The following RRP15 variants were observed in gnomAD, a reference collection of about 807,000 sequenced individuals.
RRP15 encodes the protein RRP15-like protein.
A neutral mutation model predicts 27.1 loss-of-function variants in RRP15; 18 were observed. That is an observed-to-expected ratio of 0.66 (90% CI 0.46 to 0.98). The LOEUF (loss-of-function observed/expected upper bound fraction) is 0.98, where lower values mean the gene tolerates loss of function less well. RRP15 is among the 50% of genes least tolerant of loss of function. RRP15 has a pLI of 0.00. For synonymous variants in RRP15, 107 were observed against 109.4 expected, an observed-to-expected ratio of 0.98 and a Z score of 0.14; for missense variants, 359 against 337.8, an observed-to-expected ratio of 1.06 and a Z score of -0.49.
intron 4 of RRP15, among the ~76,000 whole-genome samples, chr1:218,315,803 G>A (rs891234620): frequency 2.0e-5 from 3 of 152,066 alleles, no homozygotes; most frequent in African/African-American, 7.2e-5. Flanking sequence ...CAGGCAAGGA[G>A]GTAGAGAAAG....
In RRP15 at chr1:218,336,098, G is replaced by GT. The variant is rs1399195148; in HGVS notation, c.*5012dup. On this transcript the variant is annotated 3_prime_UTR_variant, in exon 5 of 5. Coordinates refer to ENST00000366932, the MANE Select transcript of RRP15 (RefSeq NM_016052.4). The stretch of plus-strand genomic sequence containing the variant: ...CACCATGTAAGGAGTGAATTCCCAT[G>GT]TTTTTCACTTATATCTAGAGGCCTA... 2 of 152,068 alleles carry GT rather than the reference G, an allele frequency of 1.3e-5. No individual in the cohort carries two copies. Among genetic ancestry groups the GT allele is most frequent in the Admixed American group, 6.6e-5 (1 of 15,264 alleles). The allele number at this position is 152,068 out of a possible 1,614,324, so 9.4% of individuals were successfully genotyped here.
intron 1 of RRP15, among the ~76,000 whole-genome samples, chr1:218,300,600 A>G (rs1474376147): frequency 6.6e-6 from 1 of 152,230 alleles, no homozygotes; most frequent in African/African-American, 2.4e-5. Context: ...ACTGTCTTCC[A>G]TTTACTTTGG....
chr1:218,310,605 C>G (rs980646490), intron 4 of RRP15, among the ~76,000 whole-genome samples: 1 of 150,952 alleles, frequency 6.6e-6, no homozygotes. Flanking sequence ...CTAATGTACA[C>G]ATGACTTGGG....
At chr1:218,312,118 G>A (rs146116116) in intron 4 of RRP15, among the ~76,000 whole-genome samples, 230 of 152,244 alleles carry the variant, frequency 1.5e-3, no homozygotes, top group African/African-American at 4.6e-3. Context: ...TATGGGCATC[G>A]GGCCTCCACA....
chr1:218,335,671 A>G lies in RRP15; in HGVS notation c.*4580A>G, dbSNP rs527537838. 2.6e-5 allele frequency: 4 copies of G among 152,316 alleles called. No homozygotes were observed. Among genetic ancestry groups the G allele is most frequent in the East Asian group, 1.9e-4 (1 of 5,186 alleles). The allele number at this position is 152,316 out of a possible 1,614,324, so 9.4% of individuals were successfully genotyped here. ...TGGGTCTATCCCAACTATGAAGAGA[A>G]TAAAGCTACAGAGCATCTATCTAGT... On this transcript the variant is annotated 3_prime_UTR_variant, in exon 5 of 5. Transcript: ENST00000366932.
At chr1:218,321,609 A>C (rs1656188442) in intron 4 of RRP15, among the ~76,000 whole-genome samples, 1 of 152,258 alleles carries the variant, frequency 6.6e-6, no homozygotes, top group South Asian at 2.1e-4. Flanking sequence ...AAAACTTTCT[A>C]ATTTGCAGTA....
Position 218,302,326 on chromosome 1 carries a change from T to G in RRP15, c.172T>G (p.Ser58Ala). 2.5e-6 allele frequency: 4 copies of G among 1,613,876 alleles called. No homozygotes were observed. Among genetic ancestry groups the G allele is most frequent in the Non-Finnish European group, 3.4e-6 (4 of 1,179,912 alleles). ...TGGATCGGAAAAGGACCACTTTTATTCTGATGATGACGCAATAGAAGCTGA... is the reference window on the plus strand; with the variant it reads ...TGGATCGGAAAAGGACCACTTTTATGCTGATGATGACGCAATAGAAGCTGA... ...SCGSEKDHFYSDDDAIEADSE... is the reference protein window; with the variant it reads ...SCGSEKDHFYADDDAIEADSE... Residue 58 changes from serine to alanine, a missense_variant, in exon 2 of 5, where the codon TCT becomes GCT. Ser to Ala is a moderately conservative substitution (Grantham distance 99, BLOSUM62 1). Coordinates refer to ENST00000366932, the MANE Select transcript of RRP15 (RefSeq NM_016052.4).
At chr1:218,325,415 CTT>C (rs1656256984) in intron 4 of RRP15, among the ~76,000 whole-genome samples, 1 of 152,156 alleles carries the variant, frequency 6.6e-6, no homozygotes, top group African/African-American at 2.4e-5. Context: ...TGGAAGTAAA[CTT>C]TTGGGGACCT....
Position 218,336,863 on chromosome 1 carries a change from G to A in RRP15, c.*5772G>A, listed in dbSNP as rs774641764. The A allele has an allele frequency of 2.6e-5, 4 of 152,136 alleles. No homozygotes were observed. Among genetic ancestry groups the A allele is most frequent in the Non-Finnish European group, 5.9e-5 (4 of 68,028 alleles). 9.4% of individuals were successfully genotyped at this position (152,136 alleles called of 1,614,324 possible). A position where few individuals can be genotyped will look rare whatever the true frequency, so the allele number is the denominator to read the frequency against. ...GTAGATTGCATGAGACATGACTGCC[G>A]TATCTTGGTCCTTACTAGGATTCCC... is the stretch of plus-strand genomic sequence containing the variant. On this transcript the variant is annotated 3_prime_UTR_variant, in exon 5 of 5. Coordinates refer to ENST00000366932, the MANE Select transcript of RRP15 (RefSeq NM_016052.4).
At chr1:218,325,700 A>G (rs1449098518) in intron 4 of RRP15, among the ~76,000 whole-genome samples, 1 of 152,098 alleles carries the variant, frequency 6.6e-6, no homozygotes, top group African/African-American at 2.4e-5. Context: ...TGTGTCCTGG[A>G]CACTCGAGGG....
At chr1:218,323,666 C>G (rs994325580) in intron 4 of RRP15, among the ~76,000 whole-genome samples, 1 of 152,216 alleles carries the variant, frequency 6.6e-6, no homozygotes, top group African/African-American at 2.4e-5. Context: ...CCAGACTGTT[C>G]TGGCCAAGGA....
rs762969626 is a variant in RRP15 at position 218,302,426 on chromosome 1, G to A, written c.272G>A (p.Gly91Asp). Residue 91 changes from glycine (G) to aspartate (D), a missense_variant, in exon 2 of 5, where the codon GGC (glycine) becomes GAC (aspartate). Coordinates refer to ENST00000366932, the MANE Select transcript of RRP15 (RefSeq NM_016052.4). ...GAATCAAGTGTTGGGACTAATATGG[G>A]CTGGGCAGATGCTATGGCTAAAGTC... ...DGESSVGTNM[G>D]WADAMAKVLN... The A allele has an allele frequency of 1.2e-6, 2 of 1,614,096 alleles. No homozygotes were observed. The highest frequency in any genetic ancestry group is 1.3e-5 in the African/African-American group (1 of 75,028).
chr1:218,288,057 T>C (rs955614495), intron 1 of RRP15, among the ~76,000 whole-genome samples: 1 of 152,304 alleles, frequency 6.6e-6, no homozygotes, highest in African/African-American at 2.4e-5. Flanking sequence ...GAAGTAAAAC[T>C]GGAAACAATG....
At chr1:218,319,433 T>C (rs934416918) in intron 4 of RRP15, among the ~76,000 whole-genome samples, 9 of 152,220 alleles carry the variant, frequency 5.9e-5, no homozygotes, top group Admixed American at 5.2e-4. Context: ...TGAGTGTCAT[T>C]ATACTTTTTG....
At chr1:218,316,491 A>G (rs1343626811) in intron 4 of RRP15, among the ~76,000 whole-genome samples, 2 of 152,188 alleles carry the variant, frequency 1.3e-5, no homozygotes, top group Non-Finnish European at 2.9e-5. Context: ...GGTAAAAATT[A>G]CCATTTTTGA....
intron 1 of RRP15, among the ~76,000 whole-genome samples, chr1:218,292,885 C>G (rs776218800): frequency 9.2e-5 from 14 of 152,200 alleles, no homozygotes; most frequent in Non-Finnish European, 1.6e-4. Flanking sequence ...TTTACTTTCT[C>G]TTAACCAGCT....
chr1:218,302,274 T>G lies in RRP15; in HGVS notation c.140-20T>G. On this transcript the variant is annotated intron_variant, in intron 1 of 4. Coordinates refer to ENST00000366932, the MANE Select transcript of RRP15 (RefSeq NM_016052.4). ...CTAGGATATTAAAGTTTAATTTGCCTTTACTCTTTGGTTCTATAGGAAGCT... is the reference window on the plus strand; with the variant it reads ...CTAGGATATTAAAGTTTAATTTGCCGTTACTCTTTGGTTCTATAGGAAGCT... The G allele has an allele frequency of 6.3e-7, 1 of 1,592,742 alleles. No homozygotes were observed. The highest frequency in any genetic ancestry group is 8.6e-7 in the Non-Finnish European group (1 of 1,164,744).
intron 3 of RRP15, among the ~76,000 whole-genome samples, chr1:218,306,324 C>T (rs1217746781): frequency 6.6e-6 from 1 of 152,068 alleles, no homozygotes; most frequent in Non-Finnish European, 1.5e-5. Context: ...GATGGATGCC[C>T]GCATGTGCAA....
intron 2 of RRP15, 27 bp downstream of exon 2, chr1:218,302,586 TTAGA>T: frequency 6.2e-7 from 1 of 1,601,024 alleles, no homozygotes; most frequent in South Asian, 1.1e-5. Flanking sequence ...CTCTTGTAGA[TTAGA>T]TTGTTTGTCT....
Sources: allele counts gnomAD v4.1 joint callset (sites outside exome capture counted in the v4.1 genomes callset), GRCh38; gene constraint gnomAD v4.1.1; transcripts MANE v1.5; gene names NCBI Gene and HGNC (gene_info 2026-07-23, HGNC 2026-07-21).